The following C3orf33 variants were observed in gnomAD, a reference collection of about 807,000 sequenced individuals.
The protein encoded by C3orf33 is AP-1 activity suppressor.
A neutral mutation model predicts 28.7 loss-of-function variants in C3orf33; 23 were observed. That is an observed-to-expected ratio of 0.80 (90% confidence interval 0.58 to 1.13). The LOEUF (loss-of-function observed/expected upper bound fraction) is 1.13, where lower values mean the gene tolerates loss of function less well. Ranked by LOEUF, C3orf33 falls within the 50% of genes most tolerant of loss-of-function variation. The pLI, the probability that C3orf33 is intolerant of heterozygous loss-of-function variation, is 0.00. For synonymous variants in C3orf33, 119 were observed against 120.5 expected (o/e 0.99, Z 0.08); for missense variants, 327 against 353.4 (o/e 0.93, Z 0.60).
chr3:155,775,874 T>C (rs1309690111), intron 2 of C3orf33, 26 bp from the exon 3 acceptor site: 4 of 1,494,790 alleles, frequency 2.7e-6, no homozygotes. Context: ...GAGAAAAATA[T>C]AACCACTTAT....
chr3:155,805,582 G>T lies in C3orf33; in HGVS notation c.114+557C>A, dbSNP rs936964567. 3 of 349,214 alleles carry T rather than the reference G, an allele frequency of 8.6e-6. No homozygotes were observed. The African/African-American group carries it at 1.7e-4, about 20-fold the overall frequency. 21.6% of individuals were successfully genotyped at this position (349,214 alleles called of 1,614,324 possible). ...AACTCTAAAAGAAAGTAGTCGATGG[G>T]GTAGCGCACGCAACCTGTGGTTCCA... On this transcript the variant is annotated intron_variant, in intron 1 of 4. Transcript: ENST00000340171.
chr3:155,774,871 T>C (rs1750693551), intron 3 of C3orf33, among the ~76,000 whole-genome samples: 1 of 152,030 alleles, frequency 6.6e-6, no homozygotes, highest in Admixed American at 6.6e-5. Flanking sequence ...CCTATCCTCT[T>C]TCTAGCTAGC....
intron 4 of C3orf33, among the ~76,000 whole-genome samples, chr3:155,764,903 A>G (rs1750351878): frequency 6.6e-6 from 1 of 152,206 alleles, no homozygotes; most frequent in Non-Finnish European, 1.5e-5. Context: ...AGATATTTCT[A>G]CAATCCTTGT....
intron 4 of C3orf33, among the ~76,000 whole-genome samples, chr3:155,765,871 A>G (rs1284563529): frequency 2.6e-5 from 4 of 152,144 alleles, no homozygotes; most frequent in Non-Finnish European, 5.9e-5. Context: ...TTTTAAACTT[A>G]CTTTTAAAAT....
intron 3 of C3orf33, among the ~76,000 whole-genome samples, chr3:155,767,875 A>AT (rs1046582379): frequency 5.3e-5 from 8 of 151,214 alleles, no homozygotes; most frequent in South Asian, 2.1e-4. Context: ...TCAAAAACTC[A>AT]TTTTTTTTTC....
chr3:155,763,970 C>T, intron 4 of C3orf33, 52 bp from the exon 5 acceptor site: 3 of 1,205,512 alleles, frequency 2.5e-6, no homozygotes, highest in Non-Finnish European at 2.1e-6. Flanking sequence ...TGTTGTTATA[C>T]CCATCACATC....
chr3:155,770,849 T>C (rs1750558946), intron 3 of C3orf33, among the ~76,000 whole-genome samples: 1 of 151,990 alleles, frequency 6.6e-6, no homozygotes, highest in African/African-American at 2.4e-5. Flanking sequence ...TAATTTTGTA[T>C]TTTTAGTAGA....
chr3:155,780,428 T>C (rs1750883210), intron 2 of C3orf33, among the ~76,000 whole-genome samples: 1 of 152,274 alleles, frequency 6.6e-6, no homozygotes, highest in African/African-American at 2.4e-5. Flanking sequence ...TACTTTGTCA[T>C]CTATAAAAAT....
intron 2 of C3orf33, among the ~76,000 whole-genome samples, chr3:155,776,914 A>C (rs1321410756): frequency 6.6e-6 from 1 of 152,084 alleles, no homozygotes; most frequent in Non-Finnish European, 1.5e-5. Flanking sequence ...TTTCCCAACA[A>C]ATCAATGGCA....
intron 3 of C3orf33, among the ~76,000 whole-genome samples, chr3:155,773,093 C>A (rs1043996183): frequency 1.3e-5 from 2 of 152,150 alleles, no homozygotes; most frequent in African/African-American, 2.4e-5. Context: ...ATAGAATAAA[C>A]ATCTATTTCT....
chr3:155,802,474 G>T, intron 2 of C3orf33, 58 bp downstream of exon 2: 2 of 1,320,450 alleles, frequency 1.5e-6, no homozygotes, highest in South Asian at 1.2e-5. Flanking sequence ...AAAATTGTCT[G>T]AAATGGAAAT....
intron 2 of C3orf33, among the ~76,000 whole-genome samples, chr3:155,786,510 G>A (rs1751119240): frequency 6.6e-6 from 1 of 151,996 alleles, no homozygotes; most frequent in African/African-American, 2.4e-5. Flanking sequence ...GGATAACATA[G>A]ATGAAATGGA....
intron 2 of C3orf33, among the ~76,000 whole-genome samples, chr3:155,779,506 G>A (rs1032677477): frequency 2.0e-5 from 3 of 152,140 alleles, no homozygotes; most frequent in Non-Finnish European, 4.4e-5. Context: ...TGTTGGCCAG[G>A]CTGGTCTCAA....
At chr3:155,786,133 G>A (rs992364981) in intron 2 of C3orf33, among the ~76,000 whole-genome samples, 4 of 151,536 alleles carry the variant, frequency 2.6e-5, no homozygotes, top group African/African-American at 4.9e-5. Context: ...GAAAGGGAAG[G>A]GGAGGGAGAA....
At chr3:155,801,638 A>C (rs1419651035) in intron 2 of C3orf33, among the ~76,000 whole-genome samples, 1 of 152,192 alleles carries the variant, frequency 6.6e-6, no homozygotes, top group Non-Finnish European at 1.5e-5. Context: ...ATACCATATA[A>C]TGCCACTTAC....
intron 2 of C3orf33, among the ~76,000 whole-genome samples, chr3:155,782,613 C>T (rs1750960997): frequency 6.6e-6 from 1 of 152,118 alleles, no homozygotes; most frequent in South Asian, 2.1e-4. Flanking sequence ...GTGCTAAAAG[C>T]AAGAAAACTA....
chr3:155,781,903 C>T (rs566781490), intron 2 of C3orf33, among the ~76,000 whole-genome samples: 13 of 151,210 alleles, frequency 8.6e-5, no homozygotes, highest in South Asian at 2.1e-4. Context: ...GGTGAAACCC[C>T]GTCTCTACTA....
intron 2 of C3orf33, among the ~76,000 whole-genome samples, chr3:155,778,155 A>C (rs1295033887): frequency 1.3e-5 from 2 of 151,690 alleles, no homozygotes; most frequent in Non-Finnish European, 2.9e-5. Context: ...AAAAAAAAAA[A>C]AAAAAAAACA....
intron 2 of C3orf33, among the ~76,000 whole-genome samples, chr3:155,789,488 C>T (rs1751246551): frequency 6.6e-6 from 1 of 151,816 alleles, no homozygotes; most frequent in African/African-American, 2.4e-5. Flanking sequence ...AATGAAAAGA[C>T]ATCCCATGTT....
Sources: allele counts gnomAD v4.1 joint callset (sites outside exome capture counted in the v4.1 genomes callset), GRCh38; gene constraint gnomAD v4.1.1; transcripts MANE v1.5; gene names NCBI Gene and HGNC (gene_info 2026-07-23, HGNC 2026-07-21).